LGSN: variants seen among roughly 807,000 people sequenced by gnomAD.
LGSN encodes lengsin, lens protein with glutamine synthetase domain, also known as lengsin.
In LGSN, 21 loss-of-function variants were observed where a neutral mutation model predicts 19.5. That is an observed-to-expected ratio of 1.07 (90% CI 0.76 to 1.55). The LOEUF (loss-of-function observed/expected upper bound fraction) is 1.55, where lower values mean the gene tolerates loss of function less well. Ranked by LOEUF, LGSN falls within the 40% of genes most tolerant of loss-of-function variation. LGSN has a pLI of 0.00. For missense variants in LGSN, 673 were observed against 608.5 expected, an observed-to-expected ratio of 1.11 and a Z score of -1.12; for synonymous variants, 257 against 215.6, an observed-to-expected ratio of 1.19 and a Z score of -1.68.
chr6:63,544,799 A>T, the LGSN span, among the ~76,000 whole-genome samples: 1 of 152,188 alleles, frequency 6.6e-6, no homozygotes, highest in African/African-American at 2.4e-5. Flanking sequence ...GTATCCTATC[A>T]GGAAATGCTT....
chr6:63,495,469 T>TTTTGTTTTTTTG, the LGSN span, among the ~76,000 whole-genome samples: 1 of 119,306 alleles, frequency 8.4e-6, no homozygotes, highest in Non-Finnish European at 1.6e-5. Context: ...TTTTTTTTTT[T>TTTTGTTTTTTTG]TTTTTTTGAG....
the LGSN span, among the ~76,000 whole-genome samples, chr6:63,542,297 G>A: frequency 1.3e-5 from 2 of 151,888 alleles, no homozygotes; most frequent in African/African-American, 2.4e-5. Context: ...GAGGGTGAGG[G>A]ATGAAAGACT....
At chr6:63,554,624 C>T in the LGSN span, among the ~76,000 whole-genome samples, 2 of 152,020 alleles carry the variant, frequency 1.3e-5, no homozygotes, top group Admixed American at 6.6e-5. Context: ...ATGGTGAAAC[C>T]CATCTCTACT....
chr6:63,352,930 C>T, the LGSN span, among the ~76,000 whole-genome samples: 6 of 151,736 alleles, frequency 4.0e-5, 1 homozygote, highest in South Asian at 8.3e-4. Context: ...ATCCGGTGGT[C>T]AAGAAAAGGG....
chr6:63,452,653 TTCTCTC>T, the LGSN span, among the ~76,000 whole-genome samples: 3 of 147,858 alleles, frequency 2.0e-5, no homozygotes, highest in Admixed American at 6.8e-5. Context: ...TATGTTATCT[TTCTCTC>T]TCTCTCTCTC....
At chr6:63,572,643 G>A in the LGSN span, 2 of 415,972 alleles carry the variant, frequency 4.8e-6, no homozygotes, top group African/African-American at 2.0e-5. Flanking sequence ...TGCAGCCACC[G>A]CCACCGCCTG....
chr6:63,479,119 T>A, the LGSN span, among the ~76,000 whole-genome samples: 1 of 152,190 alleles, frequency 6.6e-6, no homozygotes. Flanking sequence ...ACTGGTTAGA[T>A]TAGACAACCC....
intron 1 of LGSN, among the ~76,000 whole-genome samples, chr6:63,298,273 C>T (rs1203893749): frequency 2.0e-5 from 3 of 152,070 alleles, no homozygotes; most frequent in Admixed American, 6.6e-5. Flanking sequence ...ATGGAGATCC[C>T]CATGCGTTTG....
At chr6:63,407,720 G>T in the LGSN span, among the ~76,000 whole-genome samples, 1 of 152,142 alleles carries the variant, frequency 6.6e-6, no homozygotes, top group African/African-American at 2.4e-5. Context: ...ATTCAATTAG[G>T]AAAAGAGGAA....
the LGSN span, among the ~76,000 whole-genome samples, chr6:63,453,150 C>T: frequency 6.6e-6 from 1 of 152,016 alleles, no homozygotes; most frequent in South Asian, 2.1e-4. Flanking sequence ...GGCCAGAGAA[C>T]ATACATTGTA....
chr6:63,429,518 T>G, the LGSN span, among the ~76,000 whole-genome samples: 2 of 152,050 alleles, frequency 1.3e-5, no homozygotes, highest in African/African-American at 4.8e-5. Context: ...GGCAAATCAC[T>G]TGAGGTCAGG....
chr6:63,382,517 G>A, the LGSN span, among the ~76,000 whole-genome samples: 2 of 152,162 alleles, frequency 1.3e-5, no homozygotes. Flanking sequence ...CACTATGTGA[G>A]ATGACACAGA....
the LGSN span, among the ~76,000 whole-genome samples, chr6:63,529,496 C>G: frequency 6.6e-6 from 1 of 152,208 alleles, no homozygotes; most frequent in East Asian, 1.9e-4. Flanking sequence ...CCTTGCCTCT[C>G]TTGTCTCTTT....
In LGSN at chr6:63,280,144, A is replaced by C; in HGVS notation, c.1407T>G (p.Asp469Glu). The C allele has an allele frequency of 3.7e-6, 6 of 1,614,224 alleles. No individual in the cohort carries two copies. Among genetic ancestry groups the C allele is most frequent in the Non-Finnish European group, 5.1e-6 (6 of 1,180,040 alleles). The change falls in exon 4 of 4, where the codon GAT becomes GAG. Residue 469 changes from aspartate (D) to glutamate (E), a missense_variant. By Grantham distance (45) the Asp-to-Glu change is conservative (BLOSUM62 2). Transcript: ENST00000370657. ...LEDALVALEE[D>E]QCLRQALGET... Reference sequence around the variant, plus strand: ...CTCCTAGAGCCTGTCTCAGGCATTGATCTTCTTCCAGTGCCACAAGGGCAT... The same window carrying C: ...CTCCTAGAGCCTGTCTCAGGCATTGCTCTTCTTCCAGTGCCACAAGGGCAT...
chr6:63,508,776 G>A, the LGSN span, among the ~76,000 whole-genome samples: 3 of 151,578 alleles, frequency 2.0e-5, no homozygotes, highest in African/African-American at 7.3e-5. Flanking sequence ...AAAATTAGGC[G>A]GGCGTGGTGG....
At chr6:63,532,798 C>A in the LGSN span, among the ~76,000 whole-genome samples, 1 of 151,948 alleles carries the variant, frequency 6.6e-6, no homozygotes, top group Non-Finnish European at 1.5e-5. Context: ...AGATTGAATT[C>A]TATTTGGGAA....
the LGSN span, among the ~76,000 whole-genome samples, chr6:63,560,353 A>G: frequency 6.6e-6 from 1 of 151,110 alleles, no homozygotes; most frequent in African/African-American, 2.4e-5. Flanking sequence ...AAAAAAAAAA[A>G]AAAAGAAAGA....
At chr6:63,365,371 A>G in the LGSN span, among the ~76,000 whole-genome samples, 2 of 151,904 alleles carry the variant, frequency 1.3e-5, no homozygotes, top group African/African-American at 4.8e-5. Flanking sequence ...CACACACCCT[A>G]CCAAGACTAA....
chr6:63,315,641 TG>T lies in LGSN; in HGVS notation c.30+4272del, dbSNP rs1330320269. Among the ~76,000 whole-genome samples, 22 of 151,384 alleles carry T rather than the reference TG, an allele frequency of 1.5e-4. No individual in the cohort carries two copies. The East Asian group carries it at 3.7e-3, about 25-fold the overall frequency. The stretch of plus-strand genomic sequence containing the variant: ...CTCTGTGTGTGTGTGTGTGTGTGTG[TG>T]TGTGTGTGTGTGTATGCATGCTCTC... On this transcript the variant is annotated intron_variant, in intron 1 of 3. Coordinates refer to ENST00000370657, the MANE Select transcript of LGSN (RefSeq NM_016571.3).
Sources: gnomAD v4.1 joint callset for allele counts (sites outside exome capture counted in the v4.1 genomes callset) on GRCh38, gnomAD v4.1.1 for gene constraint, MANE v1.5 for transcripts, NCBI Gene and HGNC (gene_info 2026-07-23, HGNC 2026-07-21) for gene names.